DIP2A: variants seen among roughly 807,000 people sequenced by gnomAD.
DIP2A encodes disco-interacting protein 2 homolog A.
In DIP2A, 85 loss-of-function variants were observed where a neutral mutation model predicts 177.4. That is an observed-to-expected ratio of 0.48 (90% confidence interval 0.40 to 0.57). DIP2A has a LOEUF of 0.57. Ranked by LOEUF, DIP2A falls within the 20% of genes least tolerant of loss-of-function variation. The pLI, the probability that DIP2A is intolerant of heterozygous loss-of-function variation, is 0.00. For synonymous variants in DIP2A, 886 were observed against 881.8 expected, an observed-to-expected ratio of 1.00 and a Z score of -0.08; for missense variants, 1,791 against 2,100.2, an observed-to-expected ratio of 0.85 and a Z score of 2.88.
In DIP2A at chr21:46,541,235, C is replaced by T. The variant is rs567583450; in HGVS notation, c.2037-521C>T. Among the ~76,000 whole-genome samples, 15 of 152,246 alleles carry T rather than the reference C, an allele frequency of 9.9e-5. No homozygotes were observed. In the South Asian group the frequency reaches 3.1e-3, roughly 32 times the overall value. ...CAACAACAGTCATTTTATTGTCTCT[C>T]ATGCTTTCTGTGGGCCAGGAGCTTA... On this transcript the variant is annotated intron_variant, in intron 17 of 37. Coordinates refer to ENST00000417564, the MANE Select transcript of DIP2A (RefSeq NM_015151.4).
intron 1 of DIP2A, among the ~76,000 whole-genome samples, chr21:46,461,182 C>A (rs992660974): frequency 6.9e-6 from 1 of 145,282 alleles, no homozygotes; most frequent in Non-Finnish European, 1.5e-5. Context: ...CCTGTAGTCC[C>A]AGCTACTTGG....
At chr21:46,551,547 T>G in intron 23 of DIP2A, 87 bp from the exon 24 acceptor site, 1 of 1,202,706 alleles carries the variant, frequency 8.3e-7, no homozygotes, top group South Asian at 1.4e-5. Flanking sequence ...TCAAGTATGT[T>G]TTCAAAATAA....
rs201804816 is a variant in DIP2A at position 46,551,794 on chromosome 21, C to T, written c.2950-30C>T. On this transcript the variant is annotated intron_variant, in intron 24 of 37. Coordinates refer to ENST00000417564, the MANE Select transcript of DIP2A (RefSeq NM_015151.4). Reference sequence around the variant, plus strand: ...TGGACGGGTGTCTGTGCCCCGGAGGCGCCAGTGAGCAAGTCGCCCTCTCGT... The same window carrying T: ...TGGACGGGTGTCTGTGCCCCGGAGGTGCCAGTGAGCAAGTCGCCCTCTCGT... 183 of 1,612,844 alleles carry T rather than the reference C, an allele frequency of 1.1e-4. No individual in the cohort carries two copies. The Middle Eastern group carries it at 4.0e-3, about 35-fold the overall frequency.
chr21:46,572,421 G>C (rs1382879758), downstream of DIP2A, among the ~76,000 whole-genome samples: 1 of 152,126 alleles, frequency 6.6e-6, no homozygotes, highest in Admixed American at 6.5e-5. Flanking sequence ...AGTTCTACCA[G>C]CTCCATTAAT....
At position 46,549,775 on chromosome 21, in the gene DIP2A, G is replaced by A. The variant is rs757881677; in HGVS notation, c.2527G>A (p.Ala843Thr). ...TTTCCATGTCTCATCCCGCAGGATC[G>A]CTGTGTTCTCTGTGACCGTGCTGCA... is the stretch of plus-strand genomic sequence containing the variant. ...PMKFVYRGRI[A>T]VFSVTVLHDD... The change falls in exon 22 of 38, where the codon GCT becomes ACT. Residue 843 changes from alanine (A) to threonine (T), a missense_variant. Transcript: ENST00000417564. 1.5e-5 allele frequency: 25 copies of A among 1,613,490 alleles called. No individual in the cohort carries two copies. The highest frequency in any genetic ancestry group is 1.6e-4 in the Middle Eastern group (1 of 6,084).
chr21:46,509,512 G>C (rs1225048587), intron 7 of DIP2A, 136 bp downstream of exon 7: 2 of 1,097,440 alleles, frequency 1.8e-6, no homozygotes. Flanking sequence ...GTCACTGGGT[G>C]TAATGGTGAA....
chr21:46,535,231 A>T (rs983055379), intron 13 of DIP2A, among the ~76,000 whole-genome samples: 1 of 152,210 alleles, frequency 6.6e-6, no homozygotes, highest in African/African-American at 2.4e-5. Context: ...TTTACTTCAA[A>T]TGTCAGATAC....
At position 46,545,267 on chromosome 21, in the gene DIP2A, G is replaced by T. The variant is rs1252138615; in HGVS notation, c.2307G>T (p.Val769=). ...YYGLLGITKN[V]FEAVPVTTGG... is the part of the protein sequence containing the mutation. ...GATTGCTTGGAATCACGAAGAATGT[G>T]TTTGAGGTTTGTCCCTTTTCCTGAC... Residue 769 remains valine, a synonymous_variant, in exon 19 of 38, where the codon GTG becomes GTT. Coordinates refer to ENST00000417564, the MANE Select transcript of DIP2A (RefSeq NM_015151.4). 3 of 1,591,120 alleles carry T rather than the reference G, an allele frequency of 1.9e-6. No homozygotes were observed. The highest frequency in any genetic ancestry group is 2.6e-6 in the Non-Finnish European group (3 of 1,162,520).
At chr21:46,551,534 C>A in intron 23 of DIP2A, 100 bp from the exon 24 acceptor site, 1 of 1,018,084 alleles carries the variant, frequency 9.8e-7, no homozygotes, top group Non-Finnish European at 1.5e-6. Context: ...TTAAATGCCT[C>A]ATTCAAGTAT....
intron 11 of DIP2A, 55 bp downstream of exon 11, chr21:46,533,702 T>C (rs2059442387): frequency 6.2e-7 from 1 of 1,604,780 alleles, no homozygotes; most frequent in Non-Finnish European, 8.5e-7. Context: ...CTGTGTTAAA[T>C]GCATGGTGTT....
chr21:46,567,291 G>A (rs1601874626), intron 37 of DIP2A, 79 bp from the exon 38 acceptor site: 1 of 1,539,724 alleles, frequency 6.5e-7, no homozygotes. Flanking sequence ...TCTTCTTTGT[G>A]CCACCCTTTC....
At chr21:46,471,437 G>A (rs1023913481) in intron 1 of DIP2A, among the ~76,000 whole-genome samples, 2 of 152,106 alleles carry the variant, frequency 1.3e-5, no homozygotes, top group Non-Finnish European at 2.9e-5. Context: ...ACAGCCTCCC[G>A]CATTATCAGC....
rs58546395 is a variant in DIP2A at position 46,464,844 on chromosome 21, T to TTTTTTTTCC, written c.91+5622_91+5623insTTTTTTTCC. Among the ~76,000 whole-genome samples the TTTTTTTTCC allele has an allele frequency of 2.0e-3, 226 of 111,180 alleles. 22 individuals carry two copies. Among genetic ancestry groups the TTTTTTTTCC allele is most frequent in the African/African-American group, 5.3e-3 (127 of 23,962 alleles). The allele number at this position is 111,180 out of a possible 152,430, so 72.9% of individuals were successfully genotyped here. On this transcript the variant is annotated intron_variant, in intron 1 of 37. Coordinates refer to ENST00000417564, the MANE Select transcript of DIP2A (RefSeq NM_015151.4). ...TTTTTTTTTTTTTTTTTTTTTTTTT[T>TTTTTTTTCC]CAAGAAAACACACAACAAATGTCAG...
chr21:46,556,800 G>A lies in DIP2A; in HGVS notation c.3499-139G>A, dbSNP rs554913170. On this transcript the variant is annotated intron_variant, in intron 29 of 37. Coordinates refer to ENST00000417564, the MANE Select transcript of DIP2A (RefSeq NM_015151.4). This position sits in a 1 kb window ranked among gnomAD's most constrained non-coding sequence, Gnocchi z 4.5. Reference sequence around the variant, plus strand: ...GGTTATATGGGGATTTGAGCCAACCGTCTTTTAAGGAAATAAATATGATGT... The same window carrying A: ...GGTTATATGGGGATTTGAGCCAACCATCTTTTAAGGAAATAAATATGATGT... 8.3e-5 allele frequency: 62 copies of A among 747,958 alleles called. No individual in the cohort carries two copies. Among genetic ancestry groups the A allele is most frequent in the Middle Eastern group, 4.0e-4 (1 of 2,510 alleles). 46.3% of individuals were successfully genotyped at this position (747,958 alleles called of 1,614,324 possible).
chr21:46,479,123 A>T (rs1257334497), intron 1 of DIP2A, among the ~76,000 whole-genome samples: 1 of 152,194 alleles, frequency 6.6e-6, no homozygotes, highest in African/African-American at 2.4e-5. Flanking sequence ...ACAACCTGGG[A>T]TGCTTTCCAG....
intron 1 of DIP2A, among the ~76,000 whole-genome samples, chr21:46,470,763 CAAA>C (rs1348605904): frequency 3.7e-5 from 4 of 108,716 alleles, no homozygotes; most frequent in Non-Finnish European, 3.9e-5. Context: ...GACTCTGTCT[CAAA>C]AAAAAAAAAA....
At chr21:46,489,362 A>G (rs2056876281) in intron 2 of DIP2A, among the ~76,000 whole-genome samples, 1 of 152,300 alleles carries the variant, frequency 6.6e-6, no homozygotes, top group East Asian at 1.9e-4. Context: ...TCCTGGGCCA[A>G]CATCCTGTGA....
chr21:46,556,915 T>C lies in DIP2A; in HGVS notation c.3499-24T>C. On this transcript the variant is annotated intron_variant, in intron 29 of 37. Coordinates refer to ENST00000417564, the MANE Select transcript of DIP2A (RefSeq NM_015151.4). The surrounding 1 kb of genome is among the most constrained non-coding windows in gnomAD (Gnocchi z 4.5). ...CCTGAATTTCATTTCACTTTTTTTT[T>C]TTGAACTTTATTTTACTCTTAAGAT... 1 of 1,520,634 alleles carries C rather than the reference T, an allele frequency of 6.6e-7. No homozygotes were observed. Among genetic ancestry groups the C allele is most frequent in the African/African-American group, 1.4e-5 (1 of 72,450 alleles). The allele number at this position is 1,520,634 out of a possible 1,614,324, so 94.2% of individuals were successfully genotyped here. A position where few individuals can be genotyped will look rare whatever the true frequency, so the allele number is the denominator to read the frequency against.
At position 46,557,801 on chromosome 21, in the gene DIP2A, TG is replaced by T; in HGVS notation, c.3798+51del. 6.4e-7 allele frequency: 1 copy of T among 1,570,246 alleles called. No individual in the cohort carries two copies. The highest frequency in any genetic ancestry group is 8.7e-7 in the Non-Finnish European group (1 of 1,152,136). Reference sequence around the variant, plus strand: ...CTGAGTGTGCTGCAGACCACAGCCCTGGGAAGTTTAAAAACAACAAAACAAA... The same window carrying T: ...CTGAGTGTGCTGCAGACCACAGCCCTGGAAGTTTAAAAACAACAAAACAAA... On this transcript the variant is annotated intron_variant, in intron 31 of 37. Coordinates refer to ENST00000417564, the MANE Select transcript of DIP2A (RefSeq NM_015151.4). This position sits in a 1 kb window ranked among gnomAD's most constrained non-coding sequence, Gnocchi z 6.0.
Sources: gnomAD v4.1 joint callset for allele counts (sites outside exome capture counted in the v4.1 genomes callset) on GRCh38, gnomAD v4.1.1 for gene constraint, Gnocchi (gnomAD v3.1) non-coding constraint, MANE v1.5 for transcripts, NCBI Gene and HGNC (gene_info 2026-07-23, HGNC 2026-07-21) for gene names.